Variants in CDS2 observed in about 807,000 individuals in gnomAD.
CDS2 encodes phosphatidate cytidylyltransferase 2.
A neutral mutation model predicts 59.0 loss-of-function variants in CDS2; 47 were observed. The observed-to-expected ratio is 0.80, with a 90% CI of 0.63 to 1.02. CDS2 has a LOEUF of 1.02. CDS2 is among the 50% of genes least tolerant of loss of function. The probability of loss-of-function intolerance (pLI) is 0.00; values close to 1 mark genes in which losing one functional copy is unlikely to be tolerated. For synonymous variants in CDS2, 207 were observed against 206.4 expected (o/e 1.00, Z -0.02); for missense variants, 356 against 558.9 (o/e 0.64, Z 3.66).
intron 4 of CDS2, among the ~76,000 whole-genome samples, chr20:5,178,412 T>C (rs530655776): frequency 1.3e-5 from 2 of 152,222 alleles, no homozygotes; most frequent in Admixed American, 6.5e-5. Flanking sequence ...CAGACAGGTG[T>C]GGCAAAGCCG....
At chr20:5,136,477 G>T (rs1288641141) in intron 1 of CDS2, among the ~76,000 whole-genome samples, 1 of 152,140 alleles carries the variant, frequency 6.6e-6, no homozygotes, top group Admixed American at 6.6e-5. Context: ...CAGGACTGCA[G>T]TATTGTAAAT....
intron 12 of CDS2, 40 bp from the exon 13 acceptor site, chr20:5,190,062 G>A (rs201034210): frequency 3.6e-5 from 58 of 1,603,728 alleles, no homozygotes; most frequent in East Asian, 2.7e-4. Flanking sequence ...GGAAGCTTCC[G>A]GGCCCTAGCT....
At chr20:5,138,110 C>A (rs9753596) in intron 1 of CDS2, among the ~76,000 whole-genome samples, 1,877 of 136,734 alleles carry the variant, frequency 0.014, 47 homozygotes, top group African/African-American at 0.045. Context: ...TTTATCATTT[C>A]TTTAAATTTT....
intron 1 of CDS2, among the ~76,000 whole-genome samples, chr20:5,157,840 T>G (rs2090845256): frequency 6.6e-6 from 1 of 152,146 alleles, no homozygotes; most frequent in Non-Finnish European, 1.5e-5. Flanking sequence ...GTATGAATTT[T>G]GGGGAGACAT....
chr20:5,190,362 G>C lies in CDS2; in HGVS notation c.*128G>C. On this transcript the variant is annotated 3_prime_UTR_variant, in exon 13 of 13. Coordinates refer to ENST00000460006, the MANE Select transcript of CDS2 (RefSeq NM_003818.4). The stretch of plus-strand genomic sequence containing the variant: ...CTGTCTTTTTTTTTTTTTTTTGGAG[G>C]GTATTTTTTATTTGTGGGTTCAAAA... 2 of 887,386 alleles carry C rather than the reference G, an allele frequency of 2.3e-6. No homozygotes were observed. The highest frequency in any genetic ancestry group is 3.3e-6 in the Non-Finnish European group (2 of 606,512). The allele number at this position is 887,386 out of a possible 1,614,324, so 55.0% of individuals were successfully genotyped here. A position where few individuals can be genotyped will look rare whatever the true frequency, so the allele number is the denominator to read the frequency against.
chr20:5,184,807 T>G lies in CDS2; in HGVS notation c.672-51T>G. ...AGAATGGCACTATTTTGTGTACTTT[T>G]GAGGTACTGTCACCTTGCTTGAGTT... On this transcript the variant is annotated intron_variant, in intron 7 of 12. Coordinates refer to ENST00000460006, the MANE Select transcript of CDS2 (RefSeq NM_003818.4). This position sits in a 1 kb window ranked among gnomAD's most constrained non-coding sequence, Gnocchi z 4.3. 7.5e-7 allele frequency: 1 copy of G among 1,327,990 alleles called. No homozygotes were observed. Among genetic ancestry groups the G allele is most frequent in the Non-Finnish European group, 1.1e-6 (1 of 919,364 alleles). 82.3% of individuals were successfully genotyped at this position (1,327,990 alleles called of 1,614,324 possible). A position where few individuals can be genotyped will look rare whatever the true frequency, so the allele number is the denominator to read the frequency against.
At chr20:5,131,630 C>G (rs2090608748) in intron 1 of CDS2, among the ~76,000 whole-genome samples, 1 of 152,128 alleles carries the variant, frequency 6.6e-6, no homozygotes, top group Admixed American at 6.5e-5. Flanking sequence ...TAGATGAAAC[C>G]CATATGGAGA....
intron 1 of CDS2, among the ~76,000 whole-genome samples, chr20:5,138,394 G>A (rs938286250): frequency 2.0e-5 from 3 of 152,138 alleles, no homozygotes; most frequent in Admixed American, 2.0e-4. Context: ...TGTGGAAAAT[G>A]AGTTGACTGT....
chr20:5,143,674 G>A (rs553681681), intron 1 of CDS2, among the ~76,000 whole-genome samples: 1 of 142,144 alleles, frequency 7.0e-6, no homozygotes, highest in East Asian at 2.0e-4. Flanking sequence ...TGTCATCCAG[G>A]CTGGAGTGCT....
At chr20:5,158,860 CTG>C (rs1334029966) in intron 1 of CDS2, among the ~76,000 whole-genome samples, 4 of 152,274 alleles carry the variant, frequency 2.6e-5, no homozygotes, top group African/African-American at 7.2e-5. Context: ...GATTTGCAAA[CTG>C]TGTTCTCTGC....
intron 1 of CDS2, among the ~76,000 whole-genome samples, chr20:5,145,732 A>G (rs1260317571): frequency 1.3e-5 from 2 of 151,430 alleles, no homozygotes; most frequent in African/African-American, 4.9e-5. Flanking sequence ...ACTTACTGAC[A>G]TTCATTTCAT....
chr20:5,155,606 TCTC>T lies in CDS2; in HGVS notation c.58-17914_58-17912del, dbSNP rs2090827256. On this transcript the variant is annotated intron_variant, in intron 1 of 12. Coordinates refer to ENST00000460006, the MANE Select transcript of CDS2 (RefSeq NM_003818.4). ...ACATTGCTCTCTCCTCTGTGTCTAA[TCTC>T]CTGCCTCTCTCGTAGGGATATACAT... 3.3e-5 allele frequency among the ~76,000 whole-genome samples: 5 copies of T among 152,292 alleles called. No homozygotes were observed. The South Asian group carries it at 6.2e-4, about 19-fold the overall frequency.
intron 1 of CDS2, among the ~76,000 whole-genome samples, chr20:5,161,838 C>A (rs2090878722): frequency 6.6e-6 from 1 of 152,130 alleles, no homozygotes; most frequent in South Asian, 2.1e-4. Flanking sequence ...CTGTTTTAAC[C>A]ACTCTATTGG....
At chr20:5,136,765 T>G (rs755113917) in intron 1 of CDS2, among the ~76,000 whole-genome samples, 5 of 152,172 alleles carry the variant, frequency 3.3e-5, no homozygotes, top group Non-Finnish European at 7.3e-5. Flanking sequence ...TTTAAGATCC[T>G]TTGTAGTCTT....
chr20:5,137,948 G>A (rs1287615001), intron 1 of CDS2, among the ~76,000 whole-genome samples: 4 of 150,978 alleles, frequency 2.6e-5, no homozygotes, highest in African/African-American at 7.3e-5. Context: ...ACAGGCACCC[G>A]CCACCATGCC....
Position 5,197,832 on chromosome 20 carries a change from C to T in CDS2, c.*7598C>T, listed in dbSNP as rs942400129. On this transcript the variant is annotated 3_prime_UTR_variant, in exon 13 of 13. Transcript: ENST00000460006. Reference sequence around the variant, plus strand: ...TATACTGTACGTTGGAAAGCATTTACCTTATTTATATACCTGAATGTTCCT... The same window carrying T: ...TATACTGTACGTTGGAAAGCATTTATCTTATTTATATACCTGAATGTTCCT... 1 of 152,224 alleles carries T rather than the reference C, an allele frequency of 6.6e-6. No homozygotes were observed. The highest frequency in any genetic ancestry group is 6.5e-5 in the Admixed American group (1 of 15,270). The allele number at this position is 152,224 out of a possible 1,614,324, so 9.4% of individuals were successfully genotyped here.
chr20:5,182,298 G>A, intron 5 of CDS2, 89 bp from the exon 6 acceptor site: 3 of 1,141,242 alleles, frequency 2.6e-6, no homozygotes, highest in African/African-American at 1.6e-5. Flanking sequence ...GAATAAATTA[G>A]CCAAAGAACC....
chr20:5,146,445 A>G (rs2090744330), intron 1 of CDS2, among the ~76,000 whole-genome samples: 1 of 152,184 alleles, frequency 6.6e-6, no homozygotes, highest in African/African-American at 2.4e-5. Context: ...GTCAGTGTCA[A>G]GTGCAATGGG....
chr20:5,178,557 A>G (rs1422708265), intron 4 of CDS2, among the ~76,000 whole-genome samples: 2 of 152,224 alleles, frequency 1.3e-5, no homozygotes, highest in Admixed American at 1.3e-4. Context: ...GAATGCTACA[A>G]AAGGGGCAAA....
Sources: gnomAD v4.1 joint callset for allele counts (sites outside exome capture counted in the v4.1 genomes callset) on GRCh38, gnomAD v4.1.1 for gene constraint, Gnocchi (gnomAD v3.1) non-coding constraint, MANE v1.5 for transcripts, NCBI Gene and HGNC (gene_info 2026-07-23, HGNC 2026-07-21) for gene names.